RAB3C: variants seen among roughly 807,000 people sequenced by gnomAD.
RAB3C encodes the protein RAB3C, member RAS oncogene family, also known as ras-related protein Rab-3C.
Under a neutral mutation model 26.4 loss-of-function variants are expected in RAB3C, and 17 were observed. That is an observed-to-expected ratio of 0.64 (90% confidence interval 0.44 to 0.97). The LOEUF is 0.97. Among genes scored for constraint, RAB3C ranks in the 50% least tolerant of loss-of-function variants. The pLI, the probability that RAB3C is intolerant of heterozygous loss-of-function variation, is 0.00. For synonymous variants in RAB3C, 91 were observed against 95.9 expected (o/e 0.95, Z 0.30); for missense variants, 242 against 281.9 (o/e 0.86, Z 1.01).
intron 2 of RAB3C, among the ~76,000 whole-genome samples, chr5:58,639,749 C>G (rs1747373140): frequency 6.6e-6 from 1 of 152,156 alleles, no homozygotes; most frequent in East Asian, 1.9e-4. Context: ...AATCACCTCC[C>G]AAATAAACCA....
intron 2 of RAB3C, among the ~76,000 whole-genome samples, chr5:58,631,653 T>A (rs777308889): frequency 3.9e-5 from 6 of 152,194 alleles, no homozygotes; most frequent in Non-Finnish European, 8.8e-5. Flanking sequence ...AGAAATGGAC[T>A]GATATAAATT....
chr5:58,585,085 GT>G lies in RAB3C; in HGVS notation c.24+1858del, dbSNP rs574354161. 1.6e-4 allele frequency among the ~76,000 whole-genome samples: 25 copies of G among 152,132 alleles called. No individual in the cohort carries two copies. In the South Asian group the frequency reaches 5.2e-3, roughly 32 times the overall value. ...AATGTATTTTTAGTCGTTGGACTAA[GT>G]TTTTGAAATTTAAAATTTCCAAATG... On this transcript the variant is annotated intron_variant, in intron 1 of 4. Coordinates refer to ENST00000282878, the MANE Select transcript of RAB3C (RefSeq NM_138453.4).
At chr5:58,659,980 T>C (rs547884841) in intron 2 of RAB3C, among the ~76,000 whole-genome samples, 1 of 152,094 alleles carries the variant, frequency 6.6e-6, no homozygotes. Context: ...ATTTTTGTGT[T>C]TTTTGTAGAG....
chr5:58,610,762 T>C (rs1040614710), intron 1 of RAB3C, among the ~76,000 whole-genome samples: 3 of 152,164 alleles, frequency 2.0e-5, no homozygotes, highest in African/African-American at 7.2e-5. Flanking sequence ...ACTTTATTTA[T>C]TTAACTTTTA....
chr5:58,676,418 G>A (rs1022001858), intron 2 of RAB3C, among the ~76,000 whole-genome samples: 2 of 152,008 alleles, frequency 1.3e-5, no homozygotes, highest in African/African-American at 4.8e-5. Context: ...CAGGAGAATC[G>A]CTTGAACCTG....
chr5:58,608,179 A>T (rs1364167308), intron 1 of RAB3C, among the ~76,000 whole-genome samples: 3 of 152,206 alleles, frequency 2.0e-5, no homozygotes, highest in Non-Finnish European at 4.4e-5. Context: ...TACTGTATTC[A>T]GGAGACCCAT....
At chr5:58,678,886 T>G (rs963663303) in intron 2 of RAB3C, among the ~76,000 whole-genome samples, 1 of 152,136 alleles carries the variant, frequency 6.6e-6, no homozygotes, top group African/African-American at 2.4e-5. Flanking sequence ...AGGGTATAAA[T>G]AGAAAAACCC....
At chr5:58,754,692 A>G (rs999147297) in intron 3 of RAB3C, among the ~76,000 whole-genome samples, 14 of 151,986 alleles carry the variant, frequency 9.2e-5, no homozygotes, top group African/African-American at 3.1e-4. Flanking sequence ...CCACAAACAA[A>G]TGTTTATATC....
intron 3 of RAB3C, among the ~76,000 whole-genome samples, chr5:58,731,353 T>C (rs1283612011): frequency 6.6e-6 from 1 of 152,142 alleles, no homozygotes; most frequent in Non-Finnish European, 1.5e-5. Context: ...TAAGCCTATT[T>C]AGAATTTATG....
At chr5:58,676,377 C>T (rs1748225930) in intron 2 of RAB3C, among the ~76,000 whole-genome samples, 1 of 152,002 alleles carries the variant, frequency 6.6e-6, no homozygotes, top group Non-Finnish European at 1.5e-5. Context: ...GTGGCAGGCG[C>T]TTGTAATCCC....
Position 58,771,179 on chromosome 5 carries a change from C to T in RAB3C, c.371+45059C>T, listed in dbSNP as rs988624125. Among the ~76,000 whole-genome samples the T allele has an allele frequency of 2.0e-5, 3 of 151,968 alleles. No individual in the cohort carries two copies. The South Asian group carries it at 6.2e-4, about 32-fold the overall frequency. On this transcript the variant is annotated intron_variant, in intron 3 of 4. Transcript: ENST00000282878. The stretch of plus-strand genomic sequence containing the variant: ...AAGTAGGAAAACCATGAGTAAGCTA[C>T]CTAAAATTTTACTTAGCAATTGCTT...
At chr5:58,789,653 T>C (rs541050238) in intron 3 of RAB3C, among the ~76,000 whole-genome samples, 7 of 152,306 alleles carry the variant, frequency 4.6e-5, no homozygotes, top group African/African-American at 1.7e-4. Context: ...TCCATATACC[T>C]GGGAAAGTTT....
chr5:58,701,091 G>A (rs1833612), intron 2 of RAB3C, among the ~76,000 whole-genome samples: 22,681 of 151,944 alleles, frequency 0.15, 2,137 homozygotes, highest in Middle Eastern at 0.23. Flanking sequence ...CGCCTCCCAA[G>A]TTCACAACAT....
At position 58,726,019 on chromosome 5, in the gene RAB3C, A is replaced by G; in HGVS notation, c.270A>G (p.Glu90=). 1.3e-6 allele frequency: 2 copies of G among 1,596,630 alleles called. No homozygotes were observed. The highest frequency in any genetic ancestry group is 1.1e-5 in the South Asian group (1 of 88,514). ...TTCTTTAGGACACAGCAGGCCAGGAAAGATACAGGACTATCACCACAGCCT... is the reference window on the plus strand; with the variant it reads ...TTCTTTAGGACACAGCAGGCCAGGAGAGATACAGGACTATCACCACAGCCT... ...KLQIWDTAGQ[E]RYRTITTAYY... is the part of the protein sequence containing the mutation. Residue 90 remains glutamate, a synonymous_variant, in exon 3 of 5, where the codon GAA becomes GAG. Transcript: ENST00000282878.
intron 2 of RAB3C, among the ~76,000 whole-genome samples, chr5:58,630,409 A>G (rs1388878372): frequency 6.6e-6 from 1 of 152,210 alleles, no homozygotes; most frequent in Non-Finnish European, 1.5e-5. Context: ...TAAAATGAAG[A>G]AAATTAAAAA....
intron 3 of RAB3C, among the ~76,000 whole-genome samples, chr5:58,729,592 T>C (rs1455195676): frequency 1.3e-5 from 2 of 150,256 alleles, no homozygotes; most frequent in Non-Finnish European, 3.0e-5. Flanking sequence ...CCTTCCATTT[T>C]ATATTTTATT....
At chr5:58,677,026 A>G (rs158990) in intron 2 of RAB3C, among the ~76,000 whole-genome samples, 101,882 of 151,936 alleles carry the variant, frequency 0.67, 34,445 homozygotes, top group Middle Eastern at 0.76. Context: ...GGTTATCAGG[A>G]GCGTGCTCCC....
At chr5:58,823,691 T>A in intron 3 of RAB3C, 1 of 204,848 alleles carries the variant, frequency 4.9e-6, no homozygotes, top group Non-Finnish European at 1.0e-5. Flanking sequence ...TCCTCAGACC[T>A]CAGGAGCAGG....
chr5:58,595,664 C>T (rs897876062), intron 1 of RAB3C, among the ~76,000 whole-genome samples: 2 of 152,050 alleles, frequency 1.3e-5, no homozygotes, highest in South Asian at 2.1e-4. Flanking sequence ...CTAATTCTCC[C>T]GAATTTCAGG....
Sources: allele counts gnomAD v4.1 joint callset (sites outside exome capture counted in the v4.1 genomes callset), GRCh38; gene constraint gnomAD v4.1.1; transcripts MANE v1.5; gene names NCBI Gene and HGNC (gene_info 2026-07-23, HGNC 2026-07-21).